Variants in LZTS1 observed in about 807,000 individuals in gnomAD.
LZTS1 encodes leucine zipper putative tumor suppressor 1.
LZTS1 carries 31 observed loss-of-function variants against 45.8 expected under a neutral mutation model. The ratio of observed to expected loss-of-function variants is 0.68; its 90% CI spans 0.51 to 0.91. LZTS1 has a LOEUF of 0.91. Ranked by LOEUF, LZTS1 falls within the 40% of genes least tolerant of loss-of-function variation. LZTS1 has a pLI of 0.00. For synonymous variants in LZTS1, 359 were observed against 357.3 expected, an observed-to-expected ratio of 1.00 and a Z score of -0.05; for missense variants, 821 against 788.9, an observed-to-expected ratio of 1.04 and a Z score of -0.49.
intron 1 of LZTS1, among the ~76,000 whole-genome samples, chr8:20,300,487 G>C (rs181587393): frequency 0.076 from 11,575 of 151,918 alleles, 525 homozygotes; most frequent in East Asian, 0.11. Context: ...TGCCCGCCAC[G>C]ACGCCCGGCT....
intron 1 of LZTS1, among the ~76,000 whole-genome samples, chr8:20,259,853 C>A (rs1800187403): frequency 1.3e-5 from 2 of 152,146 alleles, no homozygotes; most frequent in Non-Finnish European, 2.9e-5. Context: ...TGTTTATTCC[C>A]TGTGTAAGGC....
At chr8:20,250,408 C>A in intron 3 of LZTS1, 45 bp from the exon 4 acceptor site, 1 of 1,521,142 alleles carries the variant, frequency 6.6e-7, no homozygotes. Flanking sequence ...GGTGAGTGTC[C>A]TTACCCAGGG....
At chr8:20,271,225 C>T (rs573530238) in intron 1 of LZTS1, among the ~76,000 whole-genome samples, 1 of 152,298 alleles carries the variant, frequency 6.6e-6, no homozygotes, top group East Asian at 1.9e-4. Context: ...CCTGATTCCT[C>T]AAGCTCCTTG....
chr8:20,303,319 C>G (rs571666611), intron 1 of LZTS1, among the ~76,000 whole-genome samples: 2 of 152,112 alleles, frequency 1.3e-5, no homozygotes, highest in Non-Finnish European at 2.9e-5. Context: ...TTCAGCGGCC[C>G]GGACCGACCG....
At chr8:20,279,169 C>G (rs1275074414) in intron 1 of LZTS1, among the ~76,000 whole-genome samples, 4 of 152,226 alleles carry the variant, frequency 2.6e-5, no homozygotes, top group African/African-American at 9.6e-5. Flanking sequence ...GTTTTCTTTG[C>G]TGCCTTGTCT....
At chr8:20,296,811 T>C (rs1184573839) in intron 1 of LZTS1, among the ~76,000 whole-genome samples, 1 of 152,232 alleles carries the variant, frequency 6.6e-6, no homozygotes, top group African/African-American at 2.4e-5. Context: ...AGCACATCTA[T>C]TGGCGATCTC....
chr8:20,272,520 A>G (rs923960757), intron 1 of LZTS1, among the ~76,000 whole-genome samples: 2 of 151,660 alleles, frequency 1.3e-5, no homozygotes, highest in African/African-American at 4.9e-5. Flanking sequence ...GCCGATGGGG[A>G]CCCTAGAATC....
chr8:20,264,416 G>A (rs948855348), intron 1 of LZTS1, among the ~76,000 whole-genome samples: 4 of 152,136 alleles, frequency 2.6e-5, no homozygotes, highest in Non-Finnish European at 4.4e-5. Context: ...TTAAAGCCCC[G>A]TTCCTTAAAC....
At chr8:20,254,773 C>T in intron 2 of LZTS1, 64 bp downstream of exon 2, 1 of 1,357,466 alleles carries the variant, frequency 7.4e-7, no homozygotes, top group East Asian at 2.4e-5. Context: ...CCAGGCTCTC[C>T]ACCCCCATTT....
Position 20,273,726 on chromosome 8 carries a change from G to C in LZTS1, c.-134-18411C>G, listed in dbSNP as rs1800520133. ...CTGAGATTCCATAGCCACTGTCTTA[G>C]TCTAAGTTGCTATCATAGTTCCCTT... is the stretch of plus-strand genomic sequence containing the variant. On this transcript the variant is annotated intron_variant, in intron 1 of 3. Transcript: ENST00000381569. Among the ~76,000 whole-genome samples the C allele has an allele frequency of 1.3e-5, 2 of 151,940 alleles. 1 individual carries two copies. The highest frequency in any genetic ancestry group is 1.3e-4 in the Admixed American group (2 of 15,276).
intron 1 of LZTS1, among the ~76,000 whole-genome samples, chr8:20,268,045 G>T (rs753995641): frequency 3.9e-5 from 6 of 152,192 alleles, no homozygotes; most frequent in Non-Finnish European, 8.8e-5. Flanking sequence ...GTACACATGG[G>T]ATGCACTGAA....
chr8:20,264,104 G>A (rs114045476), intron 1 of LZTS1, among the ~76,000 whole-genome samples: 30 of 152,044 alleles, frequency 2.0e-4, no homozygotes, highest in African/African-American at 6.8e-4. Flanking sequence ...ATATTTTAAC[G>A]TCTATGAATG....
At chr8:20,283,670 G>C (rs959181074) in intron 1 of LZTS1, among the ~76,000 whole-genome samples, 1 of 152,140 alleles carries the variant, frequency 6.6e-6, no homozygotes, top group Non-Finnish European at 1.5e-5. Context: ...GTCCATTCTA[G>C]AGAAGGGAAT....
chr8:20,256,920 A>T (rs1800117493), intron 1 of LZTS1, among the ~76,000 whole-genome samples: 1 of 152,168 alleles, frequency 6.6e-6, no homozygotes, highest in African/African-American at 2.4e-5. Flanking sequence ...AGGCCTGAGG[A>T]TGGTTAACAT....
chr8:20,261,982 C>T (rs1368992130), intron 1 of LZTS1, among the ~76,000 whole-genome samples: 2 of 152,232 alleles, frequency 1.3e-5, no homozygotes, highest in Non-Finnish European at 2.9e-5. Flanking sequence ...CGTCCCACAC[C>T]TCCTCCCCTA....
At chr8:20,254,415 CCCA>C (rs999634543) in intron 2 of LZTS1, among the ~76,000 whole-genome samples, 1 of 152,190 alleles carries the variant, frequency 6.6e-6, no homozygotes, top group African/African-American at 2.4e-5. Flanking sequence ...CGCACCCACC[CCCA>C]CGAGTCTCCC....
chr8:20,284,496 A>G (rs1260189037), intron 1 of LZTS1, among the ~76,000 whole-genome samples: 1 of 152,184 alleles, frequency 6.6e-6, no homozygotes, highest in Non-Finnish European at 1.5e-5. Flanking sequence ...TAATCACAAG[A>G]TTAGTTAAGA....
chr8:20,288,374 G>A lies in LZTS1; in HGVS notation c.-135+15366C>T, dbSNP rs1800834080. On this transcript the variant is annotated intron_variant, in intron 1 of 3. Transcript: ENST00000381569. ...CCTCCCTCCCTCGCCATCACCTCTG[G>A]CCAGAGGCGATGCGCAAGTGGAAAC... is the stretch of plus-strand genomic sequence containing the variant. Among the ~76,000 whole-genome samples the A allele has an allele frequency of 1.3e-5, 2 of 152,122 alleles. 1 individual carries two copies. The highest frequency in any genetic ancestry group is 4.1e-4 in the South Asian group (2 of 4,832).
At chr8:20,256,200 G>A (rs147535048) in intron 1 of LZTS1, among the ~76,000 whole-genome samples, 4 of 152,276 alleles carry the variant, frequency 2.6e-5, no homozygotes, top group South Asian at 2.1e-4. Context: ...GGGCTTGGCT[G>A]TGTGAGACCC....
Sources: allele counts gnomAD v4.1 joint callset (sites outside exome capture counted in the v4.1 genomes callset), GRCh38; gene constraint gnomAD v4.1.1; transcripts MANE v1.5; gene names NCBI Gene and HGNC (gene_info 2026-07-23, HGNC 2026-07-21).